Variants in CDR2L observed in about 807,000 individuals in gnomAD.
CDR2L encodes the protein cerebellar degeneration related protein 2 like.
In CDR2L, 19 loss-of-function variants were observed where a neutral mutation model predicts 36.1. That is an observed-to-expected ratio of 0.53 (90% CI 0.37 to 0.77). The LOEUF (loss-of-function observed/expected upper bound fraction) is 0.77. Ranked by LOEUF, CDR2L falls within the 30% of genes least tolerant of loss-of-function variation. The probability of loss-of-function intolerance (pLI) is 0.00; values close to 1 mark genes in which losing one functional copy is unlikely to be tolerated. For synonymous variants in CDR2L, 285 were observed against 280.4 expected, an observed-to-expected ratio of 1.02 and a Z score of -0.16; for missense variants, 575 against 627.2, an observed-to-expected ratio of 0.92 and a Z score of 0.89.
rs2039878325 is a variant in CDR2L at position 75,003,251 on chromosome 17, A to G, written c.575A>G (p.Asn192Ser). ...ELGPRPLEQE[N>S]ERLQTLVGAL... ...GGCCCGCGGCCCCTGGAGCAGGAGAACGAGCGGCTGCAGACCCTGGTGGGG... is the reference window on the plus strand; with the variant it reads ...GGCCCGCGGCCCCTGGAGCAGGAGAGCGAGCGGCTGCAGACCCTGGTGGGG... Residue 192 changes from asparagine (N) to serine (S), a missense_variant, in exon 5 of 5, where the codon AAC becomes AGC. Transcript: ENST00000337231. 2 of 1,561,722 alleles carry G rather than the reference A, an allele frequency of 1.3e-6. No homozygotes were observed. The highest frequency in any genetic ancestry group is 1.7e-6 in the Non-Finnish European group (2 of 1,153,936).
chr17:74,993,603 T>A (rs4789121), intron 1 of CDR2L, among the ~76,000 whole-genome samples: 2 of 152,182 alleles, frequency 1.3e-5, no homozygotes, highest in African/African-American at 4.8e-5. Flanking sequence ...GTTTATGTTA[T>A]GTAACTAGTT....
At position 75,003,411 on chromosome 17, in the gene CDR2L, G is replaced by GGAGCTGGAGGCC. The variant is rs1336334196; in HGVS notation, c.742_753dup (p.Glu248_Leu251dup). ...TGGAGGCCTGTCGCCTGCGTGTGCA[G>GGAGCTGGAGGCC]GAGCTGGAGGCCGAGCTGCTGGAGC... On this transcript the variant is annotated inframe_insertion, in exon 5 of 5. Coordinates refer to ENST00000337231, the MANE Select transcript of CDR2L (RefSeq NM_014603.3). 6.4e-7 allele frequency: 1 copy of GGAGCTGGAGGCC among 1,572,090 alleles called. No individual in the cohort carries two copies. Among genetic ancestry groups the GGAGCTGGAGGCC allele is most frequent in the Non-Finnish European group, 8.6e-7 (1 of 1,159,954 alleles).
rs950401773 is a variant in CDR2L at position 74,989,648 on chromosome 17, T to TTTTA, written c.79+1546_79+1549dup. On this transcript the variant is annotated intron_variant, in intron 1 of 4. Coordinates refer to ENST00000337231, the MANE Select transcript of CDR2L (RefSeq NM_014603.3). The surrounding 1 kb of genome is among the most constrained non-coding windows in gnomAD (Gnocchi z 4.2). Reference sequence around the variant, plus strand: ...GGCACAGTATTTTTTTCTTTTTTCTTTTTATTTATTTATTTATTTATTTTC... The same window carrying TTTTA: ...GGCACAGTATTTTTTTCTTTTTTCTTTTTATTTATTTATTTATTTATTTATTTTC... Among the ~76,000 whole-genome samples, 10 of 151,952 alleles carry TTTTA rather than the reference T, an allele frequency of 6.6e-5. No individual in the cohort carries two copies. The highest frequency in any genetic ancestry group is 3.9e-4 in the East Asian group (2 of 5,162).
rs1037496903 is a variant in CDR2L, at chr17:75,003,359, CGGA to C, written c.685_687del (p.Glu229del). 6.4e-7 allele frequency: 1 copy of C among 1,558,118 alleles called. No individual in the cohort carries two copies. The highest frequency in any genetic ancestry group is 8.7e-7 in the Non-Finnish European group (1 of 1,151,810). On this transcript the variant is annotated inframe_deletion, in exon 5 of 5. Coordinates refer to ENST00000337231, the MANE Select transcript of CDR2L (RefSeq NM_014603.3). ...TACACCGCGGTGCTGCAGGAGTACTCGGAGCTGGAGCGCCAGCTGTGCGAGATG... is the reference window on the plus strand; with the variant it reads ...TACACCGCGGTGCTGCAGGAGTACTCGCTGGAGCGCCAGCTGTGCGAGATG...
At chr17:74,992,148 A>C (rs1339410877) in intron 1 of CDR2L, among the ~76,000 whole-genome samples, 1 of 151,904 alleles carries the variant, frequency 6.6e-6, no homozygotes, top group Non-Finnish European at 1.5e-5. Flanking sequence ...CCCTTTGCTG[A>C]GTCTCTGCTC....
chr17:74,992,782 C>T (rs980026247), intron 1 of CDR2L, among the ~76,000 whole-genome samples: 1 of 152,192 alleles, frequency 6.6e-6, no homozygotes, highest in Admixed American at 6.6e-5. Flanking sequence ...CGATTCACTG[C>T]CTTCAAAGGG....
Position 75,003,606 on chromosome 17 carries a change from C to T in CDR2L, c.930C>T (p.Gly310=). 6.7e-7 allele frequency: 1 copy of T among 1,492,186 alleles called. No individual in the cohort carries two copies. Among genetic ancestry groups the T allele is most frequent in the Non-Finnish European group, 8.9e-7 (1 of 1,121,618 alleles). 92.4% of individuals were successfully genotyped at this position (1,492,186 alleles called of 1,614,324 possible). A position where few individuals can be genotyped will look rare whatever the true frequency, so the allele number is the denominator to read the frequency against. The change falls in exon 5 of 5, where the codon GGC becomes GGT. Residue 310 remains glycine (G), a synonymous_variant. Coordinates refer to ENST00000337231, the MANE Select transcript of CDR2L (RefSeq NM_014603.3). The part of the protein sequence containing the change: ...DGVSSPAASP[G]HVVRKSCSDT... ...TCTCCTCACCGGCAGCCTCTCCAGG[C>T]CACGTGGTGCGCAAGAGCTGCAGCG...
At chr17:74,988,241 T>C (rs2039775728) in intron 1 of CDR2L, 119 bp downstream of exon 1, 5 of 609,608 alleles carry the variant, frequency 8.2e-6, no homozygotes, top group Non-Finnish European at 5.2e-6. Context: ...CGCGCCCGAC[T>C]CGGAGGAGGG....
chr17:75,003,166 C>T lies in CDR2L; in HGVS notation c.507-17C>T, dbSNP rs1301819414. 2.6e-6 allele frequency: 4 copies of T among 1,554,868 alleles called. No individual in the cohort carries two copies. The Admixed American group carries it at 5.8e-5, about 23-fold the overall frequency. ...CTCCTCCGCCCCCACCCCGCTGCGA[C>T]TCTCACTACCCGCCAGGTGCAAGGA... On this transcript the variant is annotated splice_polypyrimidine_tract_variant and intron_variant, in intron 4 of 4. Coordinates refer to ENST00000337231, the MANE Select transcript of CDR2L (RefSeq NM_014603.3).
intron 2 of CDR2L, 66 bp downstream of exon 2, chr17:74,999,682 C>A: frequency 3.2e-6 from 3 of 947,234 alleles, no homozygotes; most frequent in Non-Finnish European, 4.8e-6. Context: ...TGCCTTTATG[C>A]AACTTAGAAT....
At chr17:74,991,648 C>T (rs967662022) in intron 1 of CDR2L, among the ~76,000 whole-genome samples, 2 of 151,756 alleles carry the variant, frequency 1.3e-5, no homozygotes, top group African/African-American at 4.9e-5. Context: ...ACCCGGGAGG[C>T]AGAGCTTGCA....
At position 74,989,357 on chromosome 17, in the gene CDR2L, C is replaced by T. The variant is rs1289502981; in HGVS notation, c.79+1235C>T. 6.6e-6 allele frequency among the ~76,000 whole-genome samples: 1 copy of T among 150,690 alleles called. No homozygotes were observed. The highest frequency in any genetic ancestry group is 2.4e-5 in the African/African-American group (1 of 41,078). ...GGACTAGGCCCTGCCATGGTCTGTGCCCTGGACTCTGGCCTCAGCCTCCTT... is the reference window on the plus strand; with the variant it reads ...GGACTAGGCCCTGCCATGGTCTGTGTCCTGGACTCTGGCCTCAGCCTCCTT... On this transcript the variant is annotated intron_variant, in intron 1 of 4. Coordinates refer to ENST00000337231, the MANE Select transcript of CDR2L (RefSeq NM_014603.3). The surrounding 1 kb of genome is among the most constrained non-coding windows in gnomAD (Gnocchi z 4.2).
chr17:75,002,042 GT>G lies in CDR2L; in HGVS notation c.342-21del, dbSNP rs771111688. 3.2e-6 allele frequency: 5 copies of G among 1,543,162 alleles called. No homozygotes were observed. In the East Asian group the frequency reaches 7.2e-5, roughly 22 times the overall value. On this transcript the variant is annotated intron_variant, in intron 3 of 4. Coordinates refer to ENST00000337231, the MANE Select transcript of CDR2L (RefSeq NM_014603.3). The surrounding 1 kb of genome is among the most constrained non-coding windows in gnomAD (Gnocchi z 4.1). ...GGCCCCATCCCCTTAAAGTCCCTGT[GT>G]GTCCACCACCCCGCCCCCAGGCTGA...
chr17:75,003,680 C>T lies in CDR2L; in HGVS notation c.1004C>T (p.Ala335Val), dbSNP rs1326266351. The T allele has an allele frequency of 1.4e-6, 2 of 1,459,340 alleles. No homozygotes were observed. Among genetic ancestry groups the T allele is most frequent in the East Asian group, 2.5e-5 (1 of 40,198 alleles). 90.4% of individuals were successfully genotyped at this position (1,459,340 alleles called of 1,614,324 possible). ...IVAKDPASRH[A>V]GNLTLHANSV... ...GCCAAAGACCCAGCCAGCCGGCACG[C>T]GGGCAACCTCACACTGCACGCCAAC... Residue 335 changes from alanine to valine, a missense_variant, in exon 5 of 5, where the codon GCG becomes GTG. By Grantham distance (64) the Ala-to-Val change is moderately conservative. Coordinates refer to ENST00000337231, the MANE Select transcript of CDR2L (RefSeq NM_014603.3).
chr17:75,000,442 G>A (rs369824921), intron 2 of CDR2L, among the ~76,000 whole-genome samples: 1,642 of 150,230 alleles, frequency 0.011, 20 homozygotes, highest in South Asian at 0.048. Flanking sequence ...GACTACAGGC[G>A]CCCACCACCG....
chr17:75,003,053 G>C, intron 4 of CDR2L, 130 bp from the exon 5 acceptor site: 2 of 987,648 alleles, frequency 2.0e-6, no homozygotes, highest in Non-Finnish European at 1.5e-6. Flanking sequence ...AACGGAGAGG[G>C]GCAAACAATT....
At position 75,004,006 on chromosome 17, in the gene CDR2L, T is replaced by A. The variant is rs1331848511; in HGVS notation, c.1330T>A (p.Phe444Ile). 5 of 1,610,584 alleles carry A rather than the reference T, an allele frequency of 3.1e-6. No individual in the cohort carries two copies. The highest frequency in any genetic ancestry group is 4.2e-6 in the Non-Finnish European group (5 of 1,178,600). Residue 444 changes from phenylalanine (F) to isoleucine (I), a missense_variant, in exon 5 of 5, where the codon TTC becomes ATC. Coordinates refer to ENST00000337231, the MANE Select transcript of CDR2L (RefSeq NM_014603.3). ...PEYKALFKEI[F>I]SRIQKTKADI... Reference sequence around the variant, plus strand: ...GTACAAGGCGCTCTTCAAAGAGATCTTCTCCAGGATCCAGAAGACCAAGGC... The same window carrying A: ...GTACAAGGCGCTCTTCAAAGAGATCATCTCCAGGATCCAGAAGACCAAGGC...
At chr17:74,992,545 A>G (rs550959353) in intron 1 of CDR2L, among the ~76,000 whole-genome samples, 82 of 151,880 alleles carry the variant, frequency 5.4e-4, no homozygotes, top group African/African-American at 1.7e-3. Context: ...TGGAGCCATC[A>G]CCCACCCTCT....
rs1409956064 is a variant in CDR2L, at chr17:74,989,496, C to T, written c.79+1374C>T. On this transcript the variant is annotated intron_variant, in intron 1 of 4. Transcript: ENST00000337231. The surrounding 1 kb of genome is among the most constrained non-coding windows in gnomAD (Gnocchi z 4.2). ...CTCCCATCCTGGGCAGTAAATTTTT[C>T]CATGAACACCTATTAGGCTCCCCTT... 6.6e-6 allele frequency among the ~76,000 whole-genome samples: 1 copy of T among 151,500 alleles called. No individual in the cohort carries two copies.
Sources: allele counts gnomAD v4.1 joint callset (sites outside exome capture counted in the v4.1 genomes callset), GRCh38; gene constraint gnomAD v4.1.1; non-coding constraint Gnocchi (gnomAD v3.1); transcripts MANE v1.5; gene names NCBI Gene and HGNC (gene_info 2026-07-23, HGNC 2026-07-21).